Variants in ALK observed in about 807,000 individuals in gnomAD.
ALK encodes ALK tyrosine kinase receptor.
A neutral mutation model predicts 163.1 loss-of-function variants in ALK; 74 were observed. That is an observed-to-expected ratio of 0.45 (90% CI 0.38 to 0.55). ALK has a LOEUF of 0.55. Ranked by LOEUF, ALK falls within the 20% of genes least tolerant of loss-of-function variation. ALK has a pLI of 0.00. For missense variants in ALK, 2,063 were observed against 2,105.3 expected (o/e 0.98, Z 0.39); for synonymous variants, 960 against 843.2 (o/e 1.14, Z -2.40).
At chr2:29,681,492 G>A (rs894704974) in intron 3 of ALK, among the ~76,000 whole-genome samples, 4 of 152,078 alleles carry the variant, frequency 2.6e-5, no homozygotes, top group South Asian at 4.1e-4. Context: ...CTTGCTTTGC[G>A]TATGTCAGGT....
At chr2:29,585,324 G>A (rs4458170) in intron 3 of ALK, among the ~76,000 whole-genome samples, 81,936 of 151,744 alleles carry the variant, frequency 0.54, 22,279 homozygotes, top group Non-Finnish European at 0.57. Flanking sequence ...TTTTCTGTCA[G>A]CTATTATTAC....
intron 3 of ALK, among the ~76,000 whole-genome samples, chr2:29,594,806 T>C (rs1675159841): frequency 6.8e-6 from 1 of 146,702 alleles, no homozygotes; most frequent in Admixed American, 7.1e-5. Context: ...AGTGTGGCTA[T>C]AGGGGTGTGT....
intron 26 of ALK, among the ~76,000 whole-genome samples, chr2:29,199,790 TA>T (rs1214259818): frequency 6.7e-6 from 1 of 149,240 alleles, no homozygotes; most frequent in Non-Finnish European, 1.5e-5. Context: ...ATTAAAACTT[TA>T]AACCACTACC....
intron 5 of ALK, among the ~76,000 whole-genome samples, chr2:29,337,164 T>C (rs1037269945): frequency 2.0e-5 from 3 of 152,190 alleles, no homozygotes; most frequent in Non-Finnish European, 2.9e-5. Flanking sequence ...GAGAACTGTG[T>C]AAATTAAGCC....
intron 28 of ALK, 82 bp from the exon 29 acceptor site, chr2:29,194,004 C>T: frequency 7.5e-7 from 1 of 1,330,050 alleles, no homozygotes; most frequent in Non-Finnish European, 1.1e-6. Flanking sequence ...ATGATGTTAT[C>T]TAAACATATT....
intron 5 of ALK, among the ~76,000 whole-genome samples, chr2:29,375,685 T>A (rs1358512): frequency 0.28 from 43,335 of 152,054 alleles, 7,726 homozygotes; most frequent in East Asian, 0.73. Context: ...GAGGGAAATC[T>A]TTAATGATTT....
chr2:29,688,874 A>G (rs1678311771), intron 3 of ALK, among the ~76,000 whole-genome samples: 1 of 152,150 alleles, frequency 6.6e-6, no homozygotes, highest in African/African-American at 2.4e-5. Flanking sequence ...CATTAACGAG[A>G]TGAACTTCAG....
At chr2:29,253,844 TTAGA>T (rs10539749) in intron 11 of ALK, among the ~76,000 whole-genome samples, 58,863 of 143,360 alleles carry the variant, frequency 0.41, 11,961 homozygotes, top group Middle Eastern at 0.45. Flanking sequence ...TATATCTATA[TTAGA>T]TAGATAGATA....
At chr2:29,916,635 T>C (rs1667841906) in intron 1 of ALK, among the ~76,000 whole-genome samples, 1 of 152,214 alleles carries the variant, frequency 6.6e-6, no homozygotes, top group Non-Finnish European at 1.5e-5. Flanking sequence ...ATCTCTAAAT[T>C]GCTCAGGCCT....
chr2:29,309,952 C>G (rs953155141), intron 8 of ALK, among the ~76,000 whole-genome samples: 4 of 152,106 alleles, frequency 2.6e-5, no homozygotes, highest in Non-Finnish European at 4.4e-5. Flanking sequence ...GATGAGGGAT[C>G]ATAATAATAA....
intron 4 of ALK, among the ~76,000 whole-genome samples, chr2:29,528,551 C>G (rs191149261): frequency 2.0e-5 from 3 of 152,248 alleles, no homozygotes; most frequent in Non-Finnish European, 4.4e-5. Context: ...GTCTTCCTTA[C>G]TGGACTAGAT....
intron 11 of ALK, 69 bp downstream of exon 11, chr2:29,275,030 G>A: frequency 3.1e-6 from 5 of 1,598,622 alleles, no homozygotes; most frequent in South Asian, 1.1e-5. Flanking sequence ...CCTAAAGACA[G>A]CACCAATCTT....
chr2:29,419,033 G>A (rs1669952081), intron 4 of ALK, among the ~76,000 whole-genome samples: 1 of 151,226 alleles, frequency 6.6e-6, no homozygotes, highest in Non-Finnish European at 1.5e-5. Flanking sequence ...CGGAAGACAA[G>A]GTATTTTATT....
At position 29,232,442 on chromosome 2, in the gene ALK, C is replaced by T. The variant is rs1376612666; in HGVS notation, c.2494G>A (p.Asp832Asn). 6.2e-7 allele frequency: 1 copy of T among 1,614,270 alleles called. No homozygotes were observed. Among genetic ancestry groups the T allele is most frequent in the Non-Finnish European group, 8.5e-7 (1 of 1,180,050 alleles). Residue 832 changes from aspartate (D) to asparagine (N), a missense_variant, in exon 15 of 29, where the codon GAT becomes AAT. Physicochemically the swap from Asp to Asn is conservative, Grantham distance 23. Coordinates refer to ENST00000389048, the MANE Select transcript of ALK (RefSeq NM_004304.5). The part of the protein sequence containing the change: ...GGATYVFKMK[D>N]GVPVPLIIAA... Reference sequence around the variant, plus strand: ...ATGATCAGGGGCACCGGCACTCCATCCTTCATCTGACCAGGGGAGACATTC... The same window carrying T: ...ATGATCAGGGGCACCGGCACTCCATTCTTCATCTGACCAGGGGAGACATTC...
chr2:29,418,465 G>A (rs1445911734), intron 4 of ALK, among the ~76,000 whole-genome samples: 1 of 151,936 alleles, frequency 6.6e-6, no homozygotes, highest in East Asian at 1.9e-4. Context: ...AAAGATGTAG[G>A]GGGTACCAGT....
chr2:29,498,043 C>T (rs1251659100), intron 4 of ALK, among the ~76,000 whole-genome samples: 2 of 152,152 alleles, frequency 1.3e-5, no homozygotes, highest in African/African-American at 4.8e-5. Context: ...TTCATTTCTT[C>T]CTCTCCCCCA....
intron 1 of ALK, among the ~76,000 whole-genome samples, chr2:29,763,342 T>C (rs2631946): frequency 0.69 from 104,709 of 152,032 alleles, 42,030 homozygotes; most frequent in Non-Finnish European, 0.9. Flanking sequence ...TCATTATAAA[T>C]GCCAACATTC....
intron 1 of ALK, among the ~76,000 whole-genome samples, chr2:29,831,204 G>GGGAAGGGGAAGA (rs1665397204): frequency 2.0e-5 from 1 of 51,206 alleles, no homozygotes; most frequent in Non-Finnish European, 3.5e-5. Flanking sequence ...GAAGGGGAAG[G>GGGAAGGGGAAGA]GGAAGAGGAA....
At chr2:29,784,985 A>AC (rs1553361908) in intron 1 of ALK, among the ~76,000 whole-genome samples, 1 of 152,020 alleles carries the variant, frequency 6.6e-6, no homozygotes, top group African/African-American at 2.4e-5. Context: ...CTGACACAGA[A>AC]GGGAGGATCA....
Sources: allele counts gnomAD v4.1 joint callset (sites outside exome capture counted in the v4.1 genomes callset), GRCh38; gene constraint gnomAD v4.1.1; transcripts MANE v1.5; gene names NCBI Gene and HGNC (gene_info 2026-07-23, HGNC 2026-07-21).